The following CAMKMT variants were observed in gnomAD, a reference collection of about 807,000 sequenced individuals.
CAMKMT encodes the protein CaM KMT.
Under a neutral mutation model 48.0 loss-of-function variants are expected in CAMKMT, and 53 were observed. That is an observed-to-expected ratio of 1.10 (90% CI 0.89 to 1.39). The LOEUF is 1.39. CAMKMT is among the 40% of genes most tolerant of loss of function. The pLI, the probability that CAMKMT is intolerant of heterozygous loss-of-function variation, is 0.00. For missense variants in CAMKMT, 428 were observed against 402.7 expected, an observed-to-expected ratio of 1.06 and a Z score of -0.54; for synonymous variants, 165 against 152.3, an observed-to-expected ratio of 1.08 and a Z score of -0.61.
intron 1 of CAMKMT, among the ~76,000 whole-genome samples, chr2:44,368,549 G>T (rs1424187033): frequency 6.6e-6 from 1 of 152,064 alleles, no homozygotes; most frequent in Non-Finnish European, 1.5e-5. Flanking sequence ...TGTAGATCAT[G>T]CAGATCATAC....
At chr2:44,636,238 G>C (rs959740173) in intron 3 of CAMKMT, among the ~76,000 whole-genome samples, 4 of 152,302 alleles carry the variant, frequency 2.6e-5, no homozygotes, top group Admixed American at 1.3e-4. Flanking sequence ...AGAAATCAGT[G>C]GTACAGGATA....
intron 3 of CAMKMT, among the ~76,000 whole-genome samples, chr2:44,401,906 G>A (rs139966180): frequency 1.1e-4 from 16 of 152,078 alleles, no homozygotes; most frequent in African/African-American, 2.9e-4. Context: ...TTTGTATCTC[G>A]TTCTAAATTC....
intron 3 of CAMKMT, among the ~76,000 whole-genome samples, chr2:44,446,865 C>T (rs922022674): frequency 1.3e-5 from 2 of 152,162 alleles, no homozygotes; most frequent in African/African-American, 4.8e-5. Flanking sequence ...TTGGCCATAC[C>T]TGTGTCATTA....
At chr2:44,608,498 C>T (rs7568134) in intron 3 of CAMKMT, among the ~76,000 whole-genome samples, 84,293 of 151,616 alleles carry the variant, frequency 0.56, 25,059 homozygotes, top group Admixed American at 0.67. Context: ...CAGGTATTAT[C>T]GTATCCATCA....
intron 7 of CAMKMT, among the ~76,000 whole-genome samples, chr2:44,718,584 C>CT (rs1678294739): frequency 6.6e-6 from 1 of 152,210 alleles, no homozygotes; most frequent in Non-Finnish European, 1.5e-5. Flanking sequence ...TTGGGTTTAT[C>CT]TAAAGCTGTC....
chr2:44,489,008 G>C (rs916962537), intron 3 of CAMKMT, among the ~76,000 whole-genome samples: 2 of 151,742 alleles, frequency 1.3e-5, no homozygotes, highest in African/African-American at 4.8e-5. Context: ...TGGGACTGCA[G>C]GTATATACCA....
chr2:44,623,490 G>A (rs1360674564), intron 3 of CAMKMT, among the ~76,000 whole-genome samples: 3 of 152,096 alleles, frequency 2.0e-5, no homozygotes, highest in African/African-American at 7.2e-5. Flanking sequence ...TCCATCTTGA[G>A]TTAATTTTTT....
chr2:44,509,430 C>T (rs1457221130), intron 3 of CAMKMT, among the ~76,000 whole-genome samples: 1 of 152,138 alleles, frequency 6.6e-6, no homozygotes, highest in Non-Finnish European at 1.5e-5. Flanking sequence ...CCACCTCAGC[C>T]TTCTAAGTAG....
At chr2:44,379,165 A>C (rs572158039) in intron 2 of CAMKMT, among the ~76,000 whole-genome samples, 1 of 152,194 alleles carries the variant, frequency 6.6e-6, no homozygotes, top group Non-Finnish European at 1.5e-5. Context: ...GGAATCCTAC[A>C]ATATGTGGCC....
At chr2:44,735,882 G>A (rs899739118) in intron 7 of CAMKMT, among the ~76,000 whole-genome samples, 6 of 151,690 alleles carry the variant, frequency 4.0e-5, no homozygotes, top group Admixed American at 6.6e-5. Flanking sequence ...TACTGTACTC[G>A]AGCCTGCTCT....
In CAMKMT at chr2:44,605,717, C is replaced by T. The variant is rs10445928; in HGVS notation, c.377-98566C>T. On this transcript the variant is annotated intron_variant, in intron 3 of 10. Transcript: ENST00000378494. ...GTCAAAGTCTCATGGGCAGTGATTG[C>T]GAACTCCTTAGATTTCAGTTTCTTT... Among the ~76,000 whole-genome samples, 3 of 151,812 alleles carry T rather than the reference C, an allele frequency of 2.0e-5. No individual in the cohort carries two copies. In the East Asian group the frequency reaches 5.8e-4, roughly 29 times the overall value.
At chr2:44,719,713 C>T (rs755957784) in intron 7 of CAMKMT, among the ~76,000 whole-genome samples, 1 of 152,170 alleles carries the variant, frequency 6.6e-6, no homozygotes, top group African/African-American at 2.4e-5. Flanking sequence ...TCCATTTCTA[C>T]ATCAGATAGC....
chr2:44,714,049 A>G (rs946433014), intron 6 of CAMKMT, among the ~76,000 whole-genome samples: 1 of 152,190 alleles, frequency 6.6e-6, no homozygotes, highest in Middle Eastern at 3.2e-3. Context: ...ACCATGACAC[A>G]TAGAATATAT....
intron 3 of CAMKMT, among the ~76,000 whole-genome samples, chr2:44,432,716 G>A (rs1684723717): frequency 6.6e-6 from 1 of 151,938 alleles, no homozygotes; most frequent in Admixed American, 6.6e-5. Flanking sequence ...TAACAAAGTT[G>A]CCTTAAATTT....
At chr2:44,713,315 AGGTGTACTG>A (rs1677985007) in intron 6 of CAMKMT, among the ~76,000 whole-genome samples, 2 of 152,208 alleles carry the variant, frequency 1.3e-5, no homozygotes, top group Non-Finnish European at 2.9e-5. Flanking sequence ...ACGACTCTAC[AGGTGTACTG>A]GGCACATTAT....
chr2:44,511,491 G>T (rs1670551030), intron 3 of CAMKMT, among the ~76,000 whole-genome samples: 1 of 151,660 alleles, frequency 6.6e-6, no homozygotes, highest in Non-Finnish European at 1.5e-5. Flanking sequence ...GTATCACCAT[G>T]TTAGCCAGGC....
At chr2:44,456,485 A>G (rs1667569470) in intron 3 of CAMKMT, 1 of 1,498,840 alleles carries the variant, frequency 6.7e-7, no homozygotes, top group Non-Finnish European at 9.0e-7. Flanking sequence ...CTTGTGAAAG[A>G]AGAAACAAAA....
At chr2:44,631,766 G>A (rs1212307545) in intron 3 of CAMKMT, 8 of 365,434 alleles carry the variant, frequency 2.2e-5, no homozygotes, top group Admixed American at 4.6e-5. Context: ...TGTCTTTTTT[G>A]TTCATTATTC....
At chr2:44,611,372 G>T (rs1671589563) in intron 3 of CAMKMT, among the ~76,000 whole-genome samples, 1 of 151,922 alleles carries the variant, frequency 6.6e-6, no homozygotes, top group African/African-American at 2.4e-5. Flanking sequence ...GGCAGAGGTG[G>T]CAGTGAGCCG....
Sources: allele counts gnomAD v4.1 joint callset (sites outside exome capture counted in the v4.1 genomes callset), GRCh38; gene constraint gnomAD v4.1.1; transcripts MANE v1.5; gene names NCBI Gene and HGNC (gene_info 2026-07-23, HGNC 2026-07-21).